The following SNTB1 variants were observed in gnomAD, a reference collection of about 807,000 sequenced individuals.
The protein encoded by SNTB1 is syntrophin beta 1, also known as beta-1-syntrophin.
In SNTB1, 36 loss-of-function variants were observed where a neutral mutation model predicts 48.9. The ratio of observed to expected loss-of-function variants is 0.74; its 90% CI spans 0.56 to 0.97. The LOEUF (loss-of-function observed/expected upper bound fraction) is 0.97, where lower values mean the gene tolerates loss of function less well. SNTB1 is among the 50% of genes least tolerant of loss of function. The pLI is 0.00. For synonymous variants in SNTB1, 299 were observed against 294.6 expected, an observed-to-expected ratio of 1.01 and a Z score of -0.15; for missense variants, 786 against 703.4, an observed-to-expected ratio of 1.12 and a Z score of -1.33.
chr8:120,576,500 G>T (rs753116142), intron 3 of SNTB1, among the ~76,000 whole-genome samples: 4 of 152,172 alleles, frequency 2.6e-5, no homozygotes, highest in Non-Finnish European at 4.4e-5. Flanking sequence ...TTTACAGAAT[G>T]ATGTACGACT....
chr8:120,807,024 C>T (rs188481389), intron 1 of SNTB1, among the ~76,000 whole-genome samples: 180 of 152,242 alleles, frequency 1.2e-3, no homozygotes, highest in Middle Eastern at 3.4e-3. Context: ...GAAGCTCTAA[C>T]GGACAGGGTT....
In SNTB1 at chr8:120,575,141, G is replaced by A. The variant is rs149155827; in HGVS notation, c.1081C>T (p.Arg361Trp). ...KDLLIYDSMP[R>W]RKEAWFSPVH... Reference sequence around the variant, plus strand: ...GGGCTGAACCAGGCTTCCTTCCTCCGTGGCATGCTGTCATAGATTAAAAGG... The same window carrying A: ...GGGCTGAACCAGGCTTCCTTCCTCCATGGCATGCTGTCATAGATTAAAAGG... Residue 361 changes from arginine (R) to tryptophan (W), a missense_variant, in exon 4 of 7, where the codon CGG becomes TGG. Coordinates refer to ENST00000517992, the MANE Select transcript of SNTB1 (RefSeq NM_021021.4). 42 of 1,614,112 alleles carry A rather than the reference G, an allele frequency of 2.6e-5. No homozygotes were observed. The highest frequency in any genetic ancestry group is 2.0e-4 in the East Asian group (9 of 44,880).
chr8:120,684,910 C>T (rs1406586006), intron 2 of SNTB1, among the ~76,000 whole-genome samples: 1 of 152,200 alleles, frequency 6.6e-6, no homozygotes, highest in Non-Finnish European at 1.5e-5. Flanking sequence ...CCCGCCTTGG[C>T]ATCCCAAAGT....
At chr8:120,540,042 A>G (rs560504436) in intron 6 of SNTB1, among the ~76,000 whole-genome samples, 36 of 152,332 alleles carry the variant, frequency 2.4e-4, no homozygotes, top group Admixed American at 1.4e-3. Context: ...TATGTCACTA[A>G]CACAGAAGGA....
chr8:120,696,994 A>G (rs573913319), intron 1 of SNTB1, among the ~76,000 whole-genome samples: 17 of 152,340 alleles, frequency 1.1e-4, no homozygotes, highest in African/African-American at 4.1e-4. Context: ...GGAAGGTGAG[A>G]CTGGGTGTAC....
chr8:120,735,769 C>G (rs1364412996), intron 1 of SNTB1, among the ~76,000 whole-genome samples: 1 of 152,100 alleles, frequency 6.6e-6, no homozygotes, highest in African/African-American at 2.4e-5. Flanking sequence ...GTAGCCTTGG[C>G]AAACTAATAC....
chr8:120,666,754 T>C (rs1245721687), intron 2 of SNTB1, among the ~76,000 whole-genome samples: 18 of 152,198 alleles, frequency 1.2e-4, no homozygotes, highest in Admixed American at 1.2e-3. Context: ...GCATAGCTCA[T>C]TGATTCTCTG....
intron 1 of SNTB1, among the ~76,000 whole-genome samples, chr8:120,743,363 T>C (rs993911911): frequency 1.3e-5 from 2 of 152,218 alleles, no homozygotes; most frequent in African/African-American, 4.8e-5. Flanking sequence ...TTTGTAATTA[T>C]AAAACACCCT....
At position 120,670,277 on chromosome 8, in the gene SNTB1, C is replaced by T. The variant is rs140025732; in HGVS notation, c.788+23415G>A. Among the ~76,000 whole-genome samples the T allele has an allele frequency of 4.0e-3, 610 of 152,264 alleles. 5 individuals are homozygous for T. Among genetic ancestry groups the T allele is most frequent in the South Asian group, 6.8e-3 (33 of 4,820 alleles). On this transcript the variant is annotated intron_variant, in intron 2 of 6. Coordinates refer to ENST00000517992, the MANE Select transcript of SNTB1 (RefSeq NM_021021.4). ...GAAGGGGTTTGAAGACAGTGTAATA[C>T]GATGGTTCCATGACACATGGGCTTT...
chr8:120,774,307 C>A (rs1224882941), intron 1 of SNTB1, among the ~76,000 whole-genome samples: 1 of 152,172 alleles, frequency 6.6e-6, no homozygotes, highest in Non-Finnish European at 1.5e-5. Context: ...GTCAGACATC[C>A]AGTGTGGCTG....
intron 1 of SNTB1, among the ~76,000 whole-genome samples, chr8:120,779,882 T>G (rs149562226): frequency 2.6e-5 from 4 of 152,238 alleles, no homozygotes; most frequent in South Asian, 2.1e-4. Context: ...AAGTTCGGGA[T>G]AGAGGCAAAG....
At chr8:120,641,213 A>G (rs992613029) in intron 2 of SNTB1, among the ~76,000 whole-genome samples, 5 of 152,252 alleles carry the variant, frequency 3.3e-5, no homozygotes, top group African/African-American at 1.2e-4. Context: ...GTTGCATAGC[A>G]GAACACAAAC....
At chr8:120,722,898 C>A (rs1422342320) in intron 1 of SNTB1, among the ~76,000 whole-genome samples, 3 of 152,088 alleles carry the variant, frequency 2.0e-5, no homozygotes, top group Non-Finnish European at 4.4e-5. Context: ...AGTCTTTAAT[C>A]CATCTTGAAT....
At chr8:120,716,522 C>T (rs904480620) in intron 1 of SNTB1, among the ~76,000 whole-genome samples, 2 of 152,172 alleles carry the variant, frequency 1.3e-5, no homozygotes, top group African/African-American at 4.8e-5. Flanking sequence ...TACACATCCT[C>T]CCTCACTTGG....
chr8:120,774,335 T>G (rs999087748), intron 1 of SNTB1, among the ~76,000 whole-genome samples: 6 of 152,230 alleles, frequency 3.9e-5, no homozygotes, highest in African/African-American at 1.4e-4. Flanking sequence ...GCTACCTCAC[T>G]GAGCTGCAGC....
intron 2 of SNTB1, among the ~76,000 whole-genome samples, chr8:120,673,839 T>C (rs1001803964): frequency 6.6e-6 from 1 of 152,096 alleles, no homozygotes; most frequent in Admixed American, 6.5e-5. Context: ...AGTTCTAAGC[T>C]GAAAGGCTGC....
chr8:120,597,397 C>T (rs1276338853), intron 3 of SNTB1, among the ~76,000 whole-genome samples: 1 of 152,180 alleles, frequency 6.6e-6, no homozygotes, highest in Non-Finnish European at 1.5e-5. Flanking sequence ...ACAACATCCC[C>T]CAGGGAGCCA....
At chr8:120,601,907 G>A (rs1434946852) in intron 3 of SNTB1, among the ~76,000 whole-genome samples, 3 of 152,164 alleles carry the variant, frequency 2.0e-5, no homozygotes, top group Non-Finnish European at 2.9e-5. Context: ...GGCTGTCTAC[G>A]GTAATAAAGG....
intron 1 of SNTB1, among the ~76,000 whole-genome samples, chr8:120,779,399 A>G (rs1819792749): frequency 6.6e-6 from 1 of 152,150 alleles, no homozygotes; most frequent in African/African-American, 2.4e-5. Flanking sequence ...GCTACTTGGG[A>G]GGCTGAGGCA....
Sources: gnomAD v4.1 joint callset for allele counts (sites outside exome capture counted in the v4.1 genomes callset) on GRCh38, gnomAD v4.1.1 for gene constraint, MANE v1.5 for transcripts, NCBI Gene and HGNC (gene_info 2026-07-23, HGNC 2026-07-21) for gene names.